The following MEG3 variants were observed in gnomAD, a reference collection of about 807,000 sequenced individuals.
MEG3 encodes maternally expressed 3.
intron 2 of MEG3, among the ~76,000 whole-genome samples, chr14:100,836,815 T>C (rs2037598163): frequency 6.7e-6 from 1 of 148,242 alleles, no homozygotes; most frequent in Non-Finnish European, 1.5e-5. Context: ...TTTGATAATG[T>C]CCTTTAATCA....
At chr14:100,857,425 C>T (rs2038274868) in exon 1 of MEG3, 2 of 152,156 alleles carry the variant, frequency 1.3e-5, no homozygotes, top group African/African-American at 4.8e-5. Flanking sequence ...TGCTGGCTTT[C>T]CCTGGGAATG....
chr14:100,830,768 C>G (rs549770022), downstream of MEG3: 3 of 152,122 alleles, frequency 2.0e-5, no homozygotes, highest in Admixed American at 1.3e-4. Flanking sequence ...CAGTTTTGTC[C>G]GGACAAGACA....
At chr14:100,852,726 G>A (rs1048504875), upstream of MEG3, 3 of 234,440 alleles carry the variant, frequency 1.3e-5, no homozygotes, top group East Asian at 3.8e-4. Context: ...AAAGTGTGCA[G>A]AAGGCGGGGA....
chr14:100,834,710 A>G (rs1023520840), exon 1 of MEG3: 3 of 456,406 alleles, frequency 6.6e-6, no homozygotes, highest in African/African-American at 2.0e-5. Flanking sequence ...CCTGGCACAG[A>G]GTGGGGCTCA....
At chr14:100,838,258 C>G (rs1441281816) in intron 2 of MEG3, among the ~76,000 whole-genome samples, 1 of 152,178 alleles carries the variant, frequency 6.6e-6, no homozygotes, top group Admixed American at 6.5e-5. Flanking sequence ...CCAGATAGGA[C>G]CAAGCTTTGG....
At chr14:100,835,125 G>A (rs2037527287) in exon 1 of MEG3, 2 of 322,842 alleles carry the variant, frequency 6.2e-6, no homozygotes, top group Non-Finnish European at 6.1e-6. Flanking sequence ...GCAGATTCAA[G>A]CTATCCCCAG....
exon 1 of MEG3, chr14:100,859,421 T>C (rs952404113): frequency 1.3e-5 from 2 of 152,190 alleles, no homozygotes; most frequent in African/African-American, 4.8e-5. Flanking sequence ...TTTGTTGGTG[T>C]TGTGGCCCAG....
chr14:100,849,412 A>G (rs1465308923), intron 3 of MEG3: 2 of 152,084 alleles, frequency 1.3e-5, no homozygotes, highest in African/African-American at 4.8e-5. Context: ...TGAAAGAATG[A>G]CAGAAAGAAT....
downstream of MEG3, chr14:100,832,747 T>A (rs866203343): frequency 4.5e-4 from 68 of 152,600 alleles, no homozygotes; most frequent in African/African-American, 1.6e-3. Context: ...AGTCTTTGCC[T>A]CTGTCCCAGT....
At chr14:100,857,358 C>T (rs1011858809) in exon 1 of MEG3, 5 of 152,224 alleles carry the variant, frequency 3.3e-5, no homozygotes, top group African/African-American at 1.2e-4. Context: ...ACCTGAAAGC[C>T]TACCTCACAG....
chr14:100,855,086 C>T (rs976568317), upstream of MEG3: 1 of 152,686 alleles, frequency 6.5e-6, no homozygotes, highest in African/African-American at 2.4e-5. Flanking sequence ...CTCAGCAGAG[C>T]TGCTTCTGCC....
In MEG3 at chr14:100,845,222, C is replaced by A. The variant is rs1388217801; in HGVS notation, n.3046-236C>A. Among the ~76,000 whole-genome samples, 2 of 152,204 alleles carry A rather than the reference C, an allele frequency of 1.3e-5. No homozygotes were observed. Among genetic ancestry groups the A allele is most frequent in the Non-Finnish European group, 2.9e-5 (2 of 68,036 alleles). On this transcript the variant is annotated intron_variant and non_coding_transcript_variant, in intron 2 of 3. Coordinates refer to the MEG3 transcript ENST00000398461. This position sits in a 1 kb window ranked among gnomAD's most constrained non-coding sequence, Gnocchi z 5.2. ...ACTTCGCTCCGTGAACAGCACCAACCCAAGTCTGTTCCATGTCTCCACACC... is the reference window on the plus strand; with the variant it reads ...ACTTCGCTCCGTGAACAGCACCAACACAAGTCTGTTCCATGTCTCCACACC...
exon 1 of MEG3, chr14:100,834,600 C>G (rs1467731854): frequency 4.6e-6 from 2 of 437,336 alleles, no homozygotes; most frequent in Non-Finnish European, 9.2e-6. Flanking sequence ...CTTCCTCTCT[C>G]TCAATATCTC....
At position 100,828,089 on chromosome 14, in the gene MEG3, C is replaced by T. The variant is rs1170002127; in HGVS notation, n.372-619C>T. 8.0e-4 allele frequency among the ~76,000 whole-genome samples: 121 copies of T among 152,114 alleles called. 1 individual carries two copies. The highest frequency in any genetic ancestry group is 1.8e-4 in the Non-Finnish European group (12 of 67,950). ...AGAGGCGTCCAGGGGGCGTAGCGAC[C>T]TGGCGCGGTGGCCTGGGGTGGGCTG... On this transcript the variant is annotated intron_variant and non_coding_transcript_variant, in intron 1 of 2. Coordinates refer to ENST00000556407, the Ensembl canonical transcript of MEG3.
rs2037618612 is a variant in MEG3, at chr14:100,837,446, C to A, written n.3045+1146C>A. Among the ~76,000 whole-genome samples the A allele has an allele frequency of 6.6e-6, 1 of 152,106 alleles. No homozygotes were observed. Among genetic ancestry groups the A allele is most frequent in the East Asian group, 1.9e-4 (1 of 5,184 alleles). On this transcript the variant is annotated intron_variant and non_coding_transcript_variant, in intron 2 of 3. Coordinates refer to the MEG3 transcript ENST00000398461. This position sits in a 1 kb window ranked among gnomAD's most constrained non-coding sequence, Gnocchi z 5.8. ...GGGTGGGCGCTGAGAAAGGTCTGAACCGTGGGGTGAGGCTGGCTCCATTCC... is the reference window on the plus strand; with the variant it reads ...GGGTGGGCGCTGAGAAAGGTCTGAAACGTGGGGTGAGGCTGGCTCCATTCC...
At position 100,836,315 on chromosome 14, in the gene MEG3, T is replaced by A. The variant is rs1054389249; in HGVS notation, n.3045+15T>A. 3 of 455,944 alleles carry A rather than the reference T, an allele frequency of 6.6e-6. No individual in the cohort carries two copies. The Admixed American group carries it at 7.1e-5, about 11-fold the overall frequency. The allele number at this position is 455,944 out of a possible 1,614,324, so 28.2% of individuals were successfully genotyped here. On this transcript the variant is annotated intron_variant and non_coding_transcript_variant, in intron 2 of 3. Coordinates refer to the MEG3 transcript ENST00000398461. ...CCTGGTTTGGGGTGAGTTTCTTGCT[T>A]TCTTGAGACCCAGGATTTTATTAGG... is the stretch of plus-strand genomic sequence containing the variant.
Position 100,839,387 on chromosome 14 carries a change from A to G in MEG3, n.3045+3087A>G, listed in dbSNP as rs1342893808. 2.0e-5 allele frequency among the ~76,000 whole-genome samples: 3 copies of G among 152,342 alleles called. No individual in the cohort carries two copies. In the East Asian group the frequency reaches 5.8e-4, roughly 29 times the overall value. On this transcript the variant is annotated intron_variant and non_coding_transcript_variant, in intron 2 of 3. Transcript: ENST00000398461. ...TGTCCCCTCTTCCAAAGGAGGAATA[A>G]GGAGGTCTAGCTTCGTCTCCCATCC...
intron 2 of MEG3, among the ~76,000 whole-genome samples, chr14:100,836,477 C>G (rs767615239): frequency 6.6e-6 from 1 of 152,136 alleles, no homozygotes; most frequent in Non-Finnish European, 1.5e-5. Context: ...AGTGGAGACC[C>G]TTGCTATACC....
rs568227309 is a variant in MEG3 at position 100,845,459 on chromosome 14, G to A, written n.3047G>A. On this transcript the variant is annotated splice_region_variant and non_coding_transcript_exon_variant, in exon 3 of 4. Coordinates refer to the MEG3 transcript ENST00000398461. This position sits in a 1 kb window ranked among gnomAD's most constrained non-coding sequence, Gnocchi z 5.2. Reference sequence around the variant, plus strand: ...TGACCTAGTGCCTTCTTGTTACAGCGGAAGCCATCACCTGGATGCCTACGT... The same window carrying A: ...TGACCTAGTGCCTTCTTGTTACAGCAGAAGCCATCACCTGGATGCCTACGT... 174 of 456,714 alleles carry A rather than the reference G, an allele frequency of 3.8e-4. 1 individual carries two copies. The highest frequency in any genetic ancestry group is 1.2e-3 in the African/African-American group (62 of 50,188). 28.3% of individuals were successfully genotyped at this position (456,714 alleles called of 1,614,324 possible).
Sources: allele counts gnomAD v4.1 joint callset (sites outside exome capture counted in the v4.1 genomes callset), GRCh38; gene constraint gnomAD v4.1.1; non-coding constraint Gnocchi (gnomAD v3.1); transcripts MANE v1.5; gene names NCBI Gene and HGNC (gene_info 2026-07-23, HGNC 2026-07-21).